The following RPS6KC1 variants were observed in gnomAD, a reference collection of about 807,000 sequenced individuals.
RPS6KC1 encodes inactive ribosomal protein S6 kinase delta-1.
A neutral mutation model predicts 103.8 loss-of-function variants in RPS6KC1; 54 were observed. The observed-to-expected ratio is 0.52, with a 90% confidence interval of 0.42 to 0.65. RPS6KC1 has a LOEUF of 0.65. Ranked by LOEUF, RPS6KC1 falls within the 30% of genes least tolerant of loss-of-function variation. RPS6KC1 has a pLI of 0.00. For synonymous variants in RPS6KC1, 439 were observed against 438.7 expected (o/e 1.00, Z -0.01); for missense variants, 1,151 against 1,253.8 (o/e 0.92, Z 1.24).
At chr1:213,350,453 G>A in the RPS6KC1 span, among the ~76,000 whole-genome samples, 40 of 152,322 alleles carry the variant, frequency 2.6e-4, no homozygotes, top group South Asian at 2.7e-3. Flanking sequence ...GGGAGTGTGT[G>A]TGTATTAGCA....
At chr1:213,781,073 G>A in the RPS6KC1 span, among the ~76,000 whole-genome samples, 3 of 152,306 alleles carry the variant, frequency 2.0e-5, no homozygotes, top group South Asian at 4.1e-4. Flanking sequence ...AATCTAGATT[G>A]AGAAAGAGAA....
At chr1:213,511,361 C>T in the RPS6KC1 span, among the ~76,000 whole-genome samples, 1 of 152,114 alleles carries the variant, frequency 6.6e-6, no homozygotes, top group Non-Finnish European at 1.5e-5. Flanking sequence ...CCGGGGCTGG[C>T]CATCCAGCAG....
chr1:213,702,571 T>C, the RPS6KC1 span, among the ~76,000 whole-genome samples: 1 of 152,040 alleles, frequency 6.6e-6, no homozygotes, highest in African/African-American at 2.4e-5. Flanking sequence ...TCTAATAATA[T>C]TTGTTTTATA....
At chr1:213,166,589 G>A (rs1023978342) in intron 6 of RPS6KC1, among the ~76,000 whole-genome samples, 3 of 152,078 alleles carry the variant, frequency 2.0e-5, no homozygotes, top group African/African-American at 4.8e-5. Flanking sequence ...AAATGTAGAT[G>A]GTTCCACAGT....
the RPS6KC1 span, among the ~76,000 whole-genome samples, chr1:213,468,009 C>T: frequency 4.6e-5 from 7 of 152,198 alleles, no homozygotes; most frequent in Non-Finnish European, 1.0e-4. Context: ...TTTGTTCTCT[C>T]CTTTAAGATC....
the RPS6KC1 span, among the ~76,000 whole-genome samples, chr1:213,575,341 G>A: frequency 1.3e-5 from 2 of 152,150 alleles, no homozygotes; most frequent in African/African-American, 2.4e-5. Context: ...GATGATGCTG[G>A]TAAAATAGGC....
intron 1 of RPS6KC1, among the ~76,000 whole-genome samples, chr1:213,065,063 G>A (rs1422011935): frequency 7.1e-6 from 1 of 141,432 alleles, no homozygotes; most frequent in East Asian, 2.1e-4. Context: ...TGCAACCTCT[G>A]CCTCCTGGGT....
the RPS6KC1 span, among the ~76,000 whole-genome samples, chr1:213,707,733 C>T: frequency 1.3e-5 from 2 of 151,978 alleles, no homozygotes; most frequent in South Asian, 2.1e-4. Context: ...GTGTAAGAAA[C>T]GGGTCTAGTT....
chr1:213,608,422 A>G, the RPS6KC1 span, among the ~76,000 whole-genome samples: 1 of 152,220 alleles, frequency 6.6e-6, no homozygotes, highest in Non-Finnish European at 1.5e-5. Flanking sequence ...CCGGGGCTGC[A>G]CTAGGGAACT....
chr1:213,611,046 G>GT, the RPS6KC1 span, among the ~76,000 whole-genome samples: 1 of 152,202 alleles, frequency 6.6e-6, no homozygotes, highest in Non-Finnish European at 1.5e-5. Flanking sequence ...TGCATCATGT[G>GT]TGAATCTAAG....
At chr1:213,611,643 C>T in the RPS6KC1 span, among the ~76,000 whole-genome samples, 2 of 152,162 alleles carry the variant, frequency 1.3e-5, no homozygotes, top group African/African-American at 4.8e-5. Context: ...TTCTCAGAGC[C>T]TTGGGTGTGC....
the RPS6KC1 span, among the ~76,000 whole-genome samples, chr1:213,523,105 G>A: frequency 6.6e-6 from 1 of 152,154 alleles, no homozygotes; most frequent in Non-Finnish European, 1.5e-5. Context: ...ACCATTGTAG[G>A]GATATTAATT....
the RPS6KC1 span, among the ~76,000 whole-genome samples, chr1:213,778,434 C>T: frequency 6.6e-6 from 1 of 152,270 alleles, no homozygotes; most frequent in Non-Finnish European, 1.5e-5. Flanking sequence ...CTCCTCTCTT[C>T]ATACCTGGTT....
At chr1:213,802,372 G>C in the RPS6KC1 span, among the ~76,000 whole-genome samples, 176 of 152,300 alleles carry the variant, frequency 1.2e-3, 2 homozygotes, top group Non-Finnish European at 2.3e-3. Flanking sequence ...ATCTACTATT[G>C]CTGCTTTGTG....
At chr1:213,209,429 C>T (rs1246348947) in intron 8 of RPS6KC1, among the ~76,000 whole-genome samples, 3 of 152,096 alleles carry the variant, frequency 2.0e-5, no homozygotes, top group African/African-American at 7.2e-5. Flanking sequence ...GGTGTGGTGG[C>T]TCATGCCTGT....
chr1:213,396,341 G>A, the RPS6KC1 span, among the ~76,000 whole-genome samples: 1 of 152,198 alleles, frequency 6.6e-6, no homozygotes, highest in South Asian at 2.1e-4. Context: ...AAGGGTGGCT[G>A]CTACTACTGC....
chr1:213,263,704 C>G (rs1435171615), intron 14 of RPS6KC1, among the ~76,000 whole-genome samples: 6 of 152,086 alleles, frequency 3.9e-5, no homozygotes, highest in Non-Finnish European at 1.5e-5. Flanking sequence ...AGTGATTTTG[C>G]TTTCATTCAA....
chr1:213,425,844 G>A, the RPS6KC1 span, among the ~76,000 whole-genome samples: 1 of 152,146 alleles, frequency 6.6e-6, no homozygotes, highest in East Asian at 1.9e-4. Flanking sequence ...TGCTGCGGTG[G>A]CGGTGGTGGT....
At chr1:213,535,084 C>T in the RPS6KC1 span, among the ~76,000 whole-genome samples, 9 of 152,128 alleles carry the variant, frequency 5.9e-5, no homozygotes, top group Admixed American at 2.0e-4. Context: ...TTAAGAAAGC[C>T]GATCAGCTTA....
Sources: allele counts gnomAD v4.1 joint callset (sites outside exome capture counted in the v4.1 genomes callset), GRCh38; gene constraint gnomAD v4.1.1; transcripts MANE v1.5; gene names NCBI Gene and HGNC (gene_info 2026-07-23, HGNC 2026-07-21).